Variants in CERKL observed in about 807,000 individuals in gnomAD.
CERKL encodes the protein CERK like autophagy regulator, also known as ceramide kinase-like protein.
CERKL carries 61 observed loss-of-function variants against 63.4 expected under a neutral mutation model. That is an observed-to-expected ratio of 0.96 (90% CI 0.78 to 1.19). The LOEUF (loss-of-function observed/expected upper bound fraction) is 1.19, where lower values mean the gene tolerates loss of function less well. Among genes scored for constraint, CERKL ranks in the 50% most tolerant of loss-of-function variants. CERKL has a pLI of 0.00. For missense variants in CERKL, 675 were observed against 655.5 expected, an observed-to-expected ratio of 1.03 and a Z score of -0.33; for synonymous variants, 250 against 230.5, an observed-to-expected ratio of 1.08 and a Z score of -0.77.
At chr2:181,643,519 G>C (rs1687538121) in intron 1 of CERKL, among the ~76,000 whole-genome samples, 1 of 152,208 alleles carries the variant, frequency 6.6e-6, no homozygotes, top group South Asian at 2.1e-4. Context: ...ATCATAATGA[G>C]CATTTGTTTG....
chr2:181,557,901 C>A (rs2105818963), intron 5 of CERKL, among the ~76,000 whole-genome samples: 4 of 152,242 alleles, frequency 2.6e-5, no homozygotes, highest in Middle Eastern at 6.8e-3. Context: ...CAGCTCCAAC[C>A]CATTTTAAGA....
intron 1 of CERKL, among the ~76,000 whole-genome samples, chr2:181,610,839 A>G (rs1428849889): frequency 2.0e-5 from 3 of 152,224 alleles, no homozygotes; most frequent in African/African-American, 2.4e-5. Context: ...GTAGAAAAGG[A>G]AAATTCTTTA....
At chr2:181,586,444 G>GA (rs893029575) in intron 2 of CERKL, among the ~76,000 whole-genome samples, 12 of 149,538 alleles carry the variant, frequency 8.0e-5, no homozygotes, top group Admixed American at 4.0e-4. Context: ...TAAACTCCTT[G>GA]AAAAAAAAAG....
intron 2 of CERKL, among the ~76,000 whole-genome samples, chr2:181,596,240 T>C (rs1164057519): frequency 6.6e-6 from 1 of 152,204 alleles, no homozygotes; most frequent in Non-Finnish European, 1.5e-5. Flanking sequence ...CAGGATACTC[T>C]GTCAATGACT....
chr2:181,605,627 G>A (rs1211979729), intron 1 of CERKL, among the ~76,000 whole-genome samples: 1 of 151,878 alleles, frequency 6.6e-6, no homozygotes, highest in Non-Finnish European at 1.5e-5. Flanking sequence ...CTACATCCTA[G>A]AACAATGCCA....
intron 11 of CERKL, 24 bp downstream of exon 11, chr2:181,544,676 A>C (rs1687648142): frequency 7.4e-6 from 10 of 1,347,324 alleles, no homozygotes; most frequent in Non-Finnish European, 1.1e-5. Flanking sequence ...TTTGCAAATA[A>C]GTAACAAAAA....
At chr2:181,604,641 T>C (rs551637809) in intron 1 of CERKL, among the ~76,000 whole-genome samples, 12 of 152,276 alleles carry the variant, frequency 7.9e-5, no homozygotes, top group Admixed American at 4.6e-4. Context: ...AGCTCTTTGG[T>C]ACTAAGGATA....
rs143156545 is a variant in CERKL, at chr2:181,603,097, C to T, written c.481+740G>A. On this transcript the variant is annotated intron_variant, in intron 2 of 12. Transcript: ENST00000410087. ...TCCTAATAAACATGTTCTCTTTTCT[C>T]TGGAAATTAACCTTTAGAAAAAGCT... 640 of 274,824 alleles carry T rather than the reference C, an allele frequency of 2.3e-3. 3 individuals carry two copies. The highest frequency in any genetic ancestry group is 0.013 in the African/African-American group (599 of 45,292). 17.0% of individuals were successfully genotyped at this position (274,824 alleles called of 1,614,324 possible).
At chr2:181,647,910 A>T (rs1164114559) in intron 1 of CERKL, among the ~76,000 whole-genome samples, 2 of 152,198 alleles carry the variant, frequency 1.3e-5, no homozygotes, top group Non-Finnish European at 2.9e-5. Context: ...CATTTAAAAC[A>T]CAGAAATCTG....
intron 1 of CERKL, among the ~76,000 whole-genome samples, chr2:181,629,977 A>AC (rs1559114275): frequency 1.3e-5 from 2 of 151,036 alleles, no homozygotes; most frequent in East Asian, 1.9e-4. Context: ...AAAAAAAAAA[A>AC]ACACAAGAAG....
intron 1 of CERKL, among the ~76,000 whole-genome samples, chr2:181,636,994 A>G (rs1448468881): frequency 6.6e-6 from 1 of 152,222 alleles, no homozygotes; most frequent in African/African-American, 2.4e-5. Context: ...GGAACCTTCT[A>G]GAGACCCCAT....
Position 181,554,302 on chromosome 2 carries a change from GA to G in CERKL, c.820+4263del, listed in dbSNP as rs139857338. Among the ~76,000 whole-genome samples the G allele has an allele frequency of 1.6e-4, 24 of 152,058 alleles. No homozygotes were observed. The East Asian group carries it at 2.1e-3, about 14-fold the overall frequency. ...TCCAAACAGATAAATGTGATGTAAT[GA>G]CTTCCTAGTCAAGCATATCTAAAAT... is the stretch of plus-strand genomic sequence containing the variant. On this transcript the variant is annotated intron_variant, in intron 5 of 12. Transcript: ENST00000410087.
intron 2 of CERKL, among the ~76,000 whole-genome samples, chr2:181,586,110 C>T (rs1684753453): frequency 6.6e-6 from 1 of 152,008 alleles, no homozygotes; most frequent in Non-Finnish European, 1.5e-5. Flanking sequence ...AATAAGATGA[C>T]CTTAGTCACT....
chr2:181,556,561 A>G (rs1301293041), intron 5 of CERKL, among the ~76,000 whole-genome samples: 3 of 152,162 alleles, frequency 2.0e-5, no homozygotes, highest in Non-Finnish European at 2.9e-5. Flanking sequence ...TGTCCCTACA[A>G]AGGATATGAA....
chr2:181,538,302 A>G (rs1559066090), intron 12 of CERKL, 58 bp from the exon 13 acceptor site: 23 of 987,776 alleles, frequency 2.3e-5, no homozygotes, highest in Non-Finnish European at 4.9e-6. Flanking sequence ...CATACACCTA[A>G]TAAGTATGGT....
At chr2:181,593,684 G>A (rs1285235179) in intron 2 of CERKL, among the ~76,000 whole-genome samples, 1 of 151,972 alleles carries the variant, frequency 6.6e-6, no homozygotes, top group Non-Finnish European at 1.5e-5. Flanking sequence ...AGGGTTCACA[G>A]CTTGATGGCT....
chr2:181,612,201 G>A (rs929181748), intron 1 of CERKL, among the ~76,000 whole-genome samples: 6 of 152,098 alleles, frequency 3.9e-5, no homozygotes, highest in South Asian at 2.1e-4. Flanking sequence ...ACTACAACTC[G>A]TTAACAACAG....
Position 181,600,546 on chromosome 2 carries a change from A to G in CERKL, c.481+3291T>C, listed in dbSNP as rs72885341. ...ATCTAGCATGCAAATAGAAAATTAA[A>G]AAAGAACAGATGTTGCTATACTTGT... On this transcript the variant is annotated intron_variant, in intron 2 of 12. Coordinates refer to ENST00000410087, the MANE Select transcript of CERKL (RefSeq NM_201548.5). Among the ~76,000 whole-genome samples, 760 of 152,358 alleles carry G rather than the reference A, an allele frequency of 5.0e-3. 5 individuals carry two copies. The highest frequency in any genetic ancestry group is 7.3e-3 in the Non-Finnish European group (496 of 68,032).
chr2:181,560,314 T>C lies in CERKL; in HGVS notation c.678-1606A>G, dbSNP rs78799131. Among the ~76,000 whole-genome samples, 862 of 152,268 alleles carry C rather than the reference T, an allele frequency of 5.7e-3. 10 individuals carry two copies. The highest frequency in any genetic ancestry group is 0.019 in the African/African-American group (803 of 41,552). ...CCAAATAACTTGACCCTTACATACA[T>C]AGGATGCGAACACTTAACTCCTAGA... On this transcript the variant is annotated intron_variant, in intron 4 of 12. Coordinates refer to ENST00000410087, the MANE Select transcript of CERKL (RefSeq NM_201548.5).
Sources: allele counts gnomAD v4.1 joint callset (sites outside exome capture counted in the v4.1 genomes callset), GRCh38; gene constraint gnomAD v4.1.1; transcripts MANE v1.5; gene names NCBI Gene and HGNC (gene_info 2026-07-23, HGNC 2026-07-21).